Variants in ASIC2 observed in about 807,000 individuals in gnomAD.
The protein encoded by ASIC2 is acid-sensing ion channel 2.
In ASIC2, 25 loss-of-function variants were observed where a neutral mutation model predicts 57.3. The observed-to-expected ratio is 0.44, with a 90% CI of 0.32 to 0.61. The LOEUF (loss-of-function observed/expected upper bound fraction) is 0.61. Among genes scored for constraint, ASIC2 ranks in the 20% least tolerant of loss-of-function variants. The pLI, the probability that ASIC2 is intolerant of heterozygous loss-of-function variation, is 0.06. For synonymous variants in ASIC2, 319 were observed against 307.5 expected (o/e 1.04, Z -0.39); for missense variants, 641 against 738.1 (o/e 0.87, Z 1.52).
At chr17:33,610,797 A>G (rs1445622890) in intron 1 of ASIC2, among the ~76,000 whole-genome samples, 3 of 152,216 alleles carry the variant, frequency 2.0e-5, no homozygotes, top group Non-Finnish European at 4.4e-5. Flanking sequence ...TGGGAGGCTG[A>G]GGTGAGAGAA....
At chr17:33,215,057 G>A (rs894480415) in intron 1 of ASIC2, among the ~76,000 whole-genome samples, 1 of 152,208 alleles carries the variant, frequency 6.6e-6, no homozygotes, top group Non-Finnish European at 1.5e-5. Flanking sequence ...ATTCACAAAT[G>A]AGGAAATACA....
chr17:34,030,182 C>G (rs570919978), intron 1 of ASIC2, among the ~76,000 whole-genome samples: 2 of 152,266 alleles, frequency 1.3e-5, no homozygotes, highest in African/African-American at 4.8e-5. Context: ...CATATAAGCC[C>G]AAGAAAGAGT....
At chr17:34,043,321 G>A (rs987317816) in intron 1 of ASIC2, among the ~76,000 whole-genome samples, 1 of 152,036 alleles carries the variant, frequency 6.6e-6, no homozygotes, top group African/African-American at 2.4e-5. Context: ...TTTTTTAAAG[G>A]TTATTACATG....
At chr17:33,217,986 C>G (rs920912699) in intron 1 of ASIC2, among the ~76,000 whole-genome samples, 2 of 152,242 alleles carry the variant, frequency 1.3e-5, no homozygotes, top group African/African-American at 4.8e-5. Flanking sequence ...TGCGCAGAAG[C>G]CCTCTTGGCG....
At chr17:33,644,364 A>G (rs1156864000) in intron 1 of ASIC2, among the ~76,000 whole-genome samples, 2 of 152,030 alleles carry the variant, frequency 1.3e-5, no homozygotes, top group Admixed American at 6.6e-5. Context: ...CTCCTTTTCA[A>G]TTTCAGTTTC....
intron 2 of ASIC2, among the ~76,000 whole-genome samples, chr17:33,090,113 G>A (rs2092151636): frequency 6.6e-6 from 1 of 152,170 alleles, no homozygotes; most frequent in South Asian, 2.1e-4. Flanking sequence ...ATGCGGGGCT[G>A]CCTGGATTGG....
intron 1 of ASIC2, among the ~76,000 whole-genome samples, chr17:33,343,861 C>T (rs552535636): frequency 5.1e-4 from 77 of 152,302 alleles, no homozygotes; most frequent in Non-Finnish European, 9.7e-4. Context: ...TGGGGGAATC[C>T]CCACAGAAGC....
intron 1 of ASIC2, among the ~76,000 whole-genome samples, chr17:34,013,972 C>T (rs896814643): frequency 2.0e-5 from 3 of 152,128 alleles, no homozygotes; most frequent in Non-Finnish European, 4.4e-5. Context: ...GTCTGCCAGT[C>T]TATCCGGCTA....
chr17:33,308,005 AG>A (rs1158525057), intron 1 of ASIC2, among the ~76,000 whole-genome samples: 1 of 152,202 alleles, frequency 6.6e-6, no homozygotes, highest in East Asian at 1.9e-4. Flanking sequence ...TCAGTGCCAT[AG>A]GTTCTGCTGT....
intron 1 of ASIC2, among the ~76,000 whole-genome samples, chr17:33,578,814 T>C (rs1166973989): frequency 5.3e-5 from 8 of 152,114 alleles, no homozygotes; most frequent in African/African-American, 9.7e-5. Context: ...ACAGTTCATA[T>C]AGTTCAGGGA....
intron 1 of ASIC2, among the ~76,000 whole-genome samples, chr17:33,447,319 A>G (rs983355589): frequency 2.6e-5 from 4 of 152,210 alleles, no homozygotes; most frequent in Non-Finnish European, 4.4e-5. Flanking sequence ...AGTGTGTCCC[A>G]GGTGACCTGC....
At chr17:33,546,138 C>G (rs1915568944) in intron 1 of ASIC2, among the ~76,000 whole-genome samples, 1 of 149,728 alleles carries the variant, frequency 6.7e-6, no homozygotes, top group Non-Finnish European at 1.5e-5. Flanking sequence ...TATATATACA[C>G]ATATGTATAT....
At chr17:33,124,869 T>TGGG (rs2092317067) in intron 1 of ASIC2, among the ~76,000 whole-genome samples, 1 of 152,210 alleles carries the variant, frequency 6.6e-6, no homozygotes, top group South Asian at 2.1e-4. Context: ...CAGTCCTATC[T>TGGG]GGGGGTGATG....
intron 1 of ASIC2, among the ~76,000 whole-genome samples, chr17:33,185,662 AG>A (rs1597620615): frequency 6.6e-6 from 1 of 152,196 alleles, no homozygotes; most frequent in Admixed American, 6.5e-5. Flanking sequence ...AGTACACAAG[AG>A]GAAAGCACCA....
At chr17:33,908,130 C>T (rs1192397384) in intron 1 of ASIC2, among the ~76,000 whole-genome samples, 1 of 152,150 alleles carries the variant, frequency 6.6e-6, no homozygotes, top group African/African-American at 2.4e-5. Context: ...CATTCTCTGC[C>T]CTGGAACCCC....
chr17:34,013,875 G>A (rs945302299), intron 1 of ASIC2, among the ~76,000 whole-genome samples: 35 of 152,146 alleles, frequency 2.3e-4, no homozygotes, highest in African/African-American at 4.3e-4. Context: ...TCTTTACCCC[G>A]CAGCCCTCAG....
intron 1 of ASIC2, among the ~76,000 whole-genome samples, chr17:33,477,948 G>A (rs535353340): frequency 6.6e-6 from 1 of 152,354 alleles, no homozygotes; most frequent in East Asian, 1.9e-4. Flanking sequence ...GGTTGGAAAA[G>A]TAGCCTGGGA....
In ASIC2 at chr17:33,825,590, A is replaced by T. The variant is rs371282576; in HGVS notation, c.555+330388T>A. On this transcript the variant is annotated intron_variant, in intron 1 of 9. Transcript: ENST00000359872. ...GCAGGGGAAAGAACTACCTCCTCTGAGGATCTCCATCTTGCTATGTCTGGC... is the reference window on the plus strand; with the variant it reads ...GCAGGGGAAAGAACTACCTCCTCTGTGGATCTCCATCTTGCTATGTCTGGC... Among the ~76,000 whole-genome samples, 27 of 152,326 alleles carry T rather than the reference A, an allele frequency of 1.8e-4. No homozygotes were observed. In the South Asian group the frequency reaches 2.3e-3, roughly 13 times the overall value.
At chr17:33,623,717 A>C (rs974547769) in intron 1 of ASIC2, among the ~76,000 whole-genome samples, 2 of 152,112 alleles carry the variant, frequency 1.3e-5, no homozygotes, top group Non-Finnish European at 2.9e-5. Flanking sequence ...TTTGTCTCTC[A>C]GTGCTTCTTT....
Sources: gnomAD v4.1 joint callset for allele counts (sites outside exome capture counted in the v4.1 genomes callset) on GRCh38, gnomAD v4.1.1 for gene constraint, MANE v1.5 for transcripts, NCBI Gene and HGNC (gene_info 2026-07-23, HGNC 2026-07-21) for gene names.